ADCY1: variants seen among roughly 807,000 people sequenced by gnomAD.
ADCY1 encodes the protein adenylate cyclase 1, also known as adenylate cyclase type 1.
In ADCY1, 28 loss-of-function variants were observed where a neutral mutation model predicts 105.4. The ratio of observed to expected loss-of-function variants is 0.27; its 90% CI spans 0.20 to 0.36. ADCY1 has a LOEUF of 0.36. ADCY1 is among the 10% of genes least tolerant of loss of function. The pLI is 1.00. For missense variants in ADCY1, 977 were observed against 1,434.2 expected (o/e 0.68, Z 5.15); for synonymous variants, 655 against 623.8 (o/e 1.05, Z -0.75).
chr7:45,620,423 G>A (rs1013980335), intron 3 of ADCY1, among the ~76,000 whole-genome samples: 1 of 152,102 alleles, frequency 6.6e-6, no homozygotes, highest in East Asian at 1.9e-4. Context: ...TGAAGAGAGT[G>A]TCAGGGACTT....
chr7:45,593,097 T>C (rs934553921), intron 2 of ADCY1, among the ~76,000 whole-genome samples, 189 bp downstream of exon 2: 3 of 152,156 alleles, frequency 2.0e-5, no homozygotes, highest in African/African-American at 7.2e-5. Context: ...ACAGGCAGGC[T>C]GAGTTTGCTG....
At chr7:45,664,621 G>T in intron 8 of ADCY1, 2 of 803,936 alleles carry the variant, frequency 2.5e-6, no homozygotes, top group Non-Finnish European at 3.4e-6. Flanking sequence ...GTTCCTTCCA[G>T]TTTCTTAAGT....
intron 4 of ADCY1, among the ~76,000 whole-genome samples, chr7:45,624,385 T>A (rs1437397261): frequency 2.0e-5 from 3 of 152,044 alleles, no homozygotes; most frequent in Non-Finnish European, 4.4e-5. Context: ...TTTTGGACGC[T>A]ACTCCCTTTG....
chr7:45,706,541 C>T (rs1785125002), intron 17 of ADCY1, among the ~76,000 whole-genome samples: 1 of 148,324 alleles, frequency 6.7e-6, no homozygotes, highest in Admixed American at 6.7e-5. Flanking sequence ...TTACACCCCT[C>T]ACAAAAATTA....
intron 4 of ADCY1, among the ~76,000 whole-genome samples, chr7:45,626,167 C>T (rs762281376): frequency 6.6e-6 from 1 of 152,200 alleles, no homozygotes; most frequent in Non-Finnish European, 1.5e-5. Context: ...CAACTCTGCT[C>T]TTGGAGCACA....
Position 45,575,217 on chromosome 7 carries a change from G to T in ADCY1, c.639+35G>T. The T allele has an allele frequency of 1.9e-6, 3 of 1,541,788 alleles. No homozygotes were observed. The highest frequency in any genetic ancestry group is 2.6e-6 in the Non-Finnish European group (3 of 1,148,216). ...GCCGCGCACCCCTCATCTGGTCTCG[G>T]ACACACTTGCTGGGACGATGCTGGG... On this transcript the variant is annotated intron_variant, in intron 1 of 19. Coordinates refer to ENST00000297323, the MANE Select transcript of ADCY1 (RefSeq NM_021116.4). This position sits in a 1 kb window ranked among gnomAD's most constrained non-coding sequence, Gnocchi z 4.7.
Position 45,685,841 on chromosome 7 carries a change from C to T in ADCY1, c.2074-121C>T, listed in dbSNP as rs56108410. 4.5e-4 allele frequency: 571 copies of T among 1,270,184 alleles called. 3 individuals are homozygous for T. The highest frequency in any genetic ancestry group is 4.0e-3 in the African/African-American group (268 of 67,082). 78.7% of individuals were successfully genotyped at this position (1,270,184 alleles called of 1,614,324 possible). ...AGGTCTGTGGCTTGGTGTGATAGCA[C>T]TGGGGGTGGGTCAGAGCAAAACCTT... On this transcript the variant is annotated intron_variant, in intron 12 of 19. Coordinates refer to ENST00000297323, the MANE Select transcript of ADCY1 (RefSeq NM_021116.4).
chr7:45,605,844 C>T (rs777157490), intron 2 of ADCY1, among the ~76,000 whole-genome samples: 1 of 152,158 alleles, frequency 6.6e-6, no homozygotes, highest in Non-Finnish European at 1.5e-5. Flanking sequence ...TCTTTGTTCA[C>T]TTGATGAGCT....
chr7:45,692,016 A>G (rs946846233), intron 14 of ADCY1, among the ~76,000 whole-genome samples: 1 of 152,202 alleles, frequency 6.6e-6, no homozygotes, highest in Non-Finnish European at 1.5e-5. Flanking sequence ...GTTACTGGCC[A>G]TAGGTTTCAC....
intron 8 of ADCY1, among the ~76,000 whole-genome samples, chr7:45,671,622 G>C (rs1032862635): frequency 6.6e-6 from 1 of 152,142 alleles, no homozygotes; most frequent in Admixed American, 6.5e-5. Context: ...GTTCTAATAA[G>C]TATGTAGTGA....
At chr7:45,656,600 G>A (rs1046948571) in intron 5 of ADCY1, among the ~76,000 whole-genome samples, 2 of 152,222 alleles carry the variant, frequency 1.3e-5, no homozygotes, top group Admixed American at 1.3e-4. Context: ...CAGTGGGGTT[G>A]TGTGGAGCAG....
At position 45,574,861 on chromosome 7, in the gene ADCY1, C is replaced by G. The variant is rs1198609572; in HGVS notation, c.318C>G (p.Leu106=). 3.7e-6 allele frequency: 6 copies of G among 1,611,480 alleles called. No individual in the cohort carries two copies. Among genetic ancestry groups the G allele is most frequent in the South Asian group, 1.1e-5 (1 of 91,074 alleles). ...ACTGCGTCCTCTTCCTGGCGCTGCT[C>G]GTGGTAACCAACGTCCGGTCCCTGC... ...PVHCVLFLAL[L]VVTNVRSLQV... is the part of the protein sequence containing the mutation. Residue 106 remains leucine (L), a synonymous_variant, in exon 1 of 20, where the codon CTC becomes CTG. Coordinates refer to ENST00000297323, the MANE Select transcript of ADCY1 (RefSeq NM_021116.4). The surrounding 1 kb of genome is among the most constrained non-coding windows in gnomAD (Gnocchi z 7.0).
intron 1 of ADCY1, among the ~76,000 whole-genome samples, chr7:45,579,296 T>A (rs1430575196): frequency 6.6e-6 from 1 of 152,154 alleles, no homozygotes; most frequent in Admixed American, 6.5e-5. Flanking sequence ...AACTCCCAGT[T>A]AACCCCATGC....
At chr7:45,696,174 C>T (rs1005350888) in intron 14 of ADCY1, among the ~76,000 whole-genome samples, 1 of 149,494 alleles carries the variant, frequency 6.7e-6, no homozygotes, top group African/African-American at 2.4e-5. Context: ...CGCCGTGGCT[C>T]ATGCCTGTAA....
At chr7:45,643,465 T>C (rs1410766242) in intron 4 of ADCY1, among the ~76,000 whole-genome samples, 1 of 152,172 alleles carries the variant, frequency 6.6e-6, no homozygotes, top group South Asian at 2.1e-4. Context: ...ACAATAAGTC[T>C]GCTGAATGCA....
At chr7:45,702,197 A>G (rs1482918697) in intron 14 of ADCY1, among the ~76,000 whole-genome samples, 3 of 152,232 alleles carry the variant, frequency 2.0e-5, no homozygotes, top group African/African-American at 7.2e-5. Flanking sequence ...CTCTGATAAT[A>G]TCAGTACTGC....
At chr7:45,601,886 A>G (rs988004584) in intron 2 of ADCY1, among the ~76,000 whole-genome samples, 1 of 151,974 alleles carries the variant, frequency 6.6e-6, no homozygotes, top group Non-Finnish European at 1.5e-5. Context: ...TGGATGGAGG[A>G]CACCATGGCT....
At chr7:45,610,796 G>T (rs1584268289) in intron 3 of ADCY1, among the ~76,000 whole-genome samples, 2 of 103,558 alleles carry the variant, frequency 1.9e-5, no homozygotes, top group African/African-American at 7.2e-5. Flanking sequence ...GATGGTGGAG[G>T]TGGGGAGGTG....
intron 11 of ADCY1, among the ~76,000 whole-genome samples, chr7:45,680,027 G>T (rs1784526193): frequency 6.6e-6 from 1 of 152,234 alleles, no homozygotes; most frequent in Non-Finnish European, 1.5e-5. Context: ...GGTGGGATAG[G>T]GGAGGCAGTT....
Sources: allele counts gnomAD v4.1 joint callset (sites outside exome capture counted in the v4.1 genomes callset), GRCh38; gene constraint gnomAD v4.1.1; non-coding constraint Gnocchi (gnomAD v3.1); transcripts MANE v1.5; gene names NCBI Gene and HGNC (gene_info 2026-07-23, HGNC 2026-07-21).